The following MZT2B variants were observed in gnomAD, a reference collection of about 807,000 sequenced individuals.
MZT2B encodes the protein mitotic-spindle organizing protein 2B.
MZT2B carries 11 observed loss-of-function variants against 12.1 expected under a neutral mutation model. The ratio of observed to expected loss-of-function variants is 0.91; its 90% CI spans 0.57 to 1.50. MZT2B has a LOEUF of 1.50. MZT2B is among the 40% of genes most tolerant of loss of function. MZT2B has a pLI of 0.00. For synonymous variants in MZT2B, 85 were observed against 109.5 expected (o/e 0.78, Z 1.40); for missense variants, 209 against 227.7 (o/e 0.92, Z 0.53).
At chr2:130,193,750 T>C (rs1690328539), downstream of MZT2B, 1 of 1,571,052 alleles carries the variant, frequency 6.4e-7, no homozygotes, top group Non-Finnish European at 8.6e-7. Context: ...GTGCATCTGC[T>C]GCTTGCTGAA....
intron 2 of MZT2B, among the ~76,000 whole-genome samples, chr2:130,185,803 T>C (rs1178264500): frequency 4.0e-5 from 6 of 151,710 alleles, no homozygotes; most frequent in Non-Finnish European, 8.8e-5. Context: ...TCCGAGAGAA[T>C]TTACCCAAGG....
At chr2:130,193,876 G>A (rs765315041), downstream of MZT2B, 19 of 1,614,072 alleles carry the variant, frequency 1.2e-5, no homozygotes, top group South Asian at 5.5e-5. Context: ...TGGGGACCAC[G>A]TCCCCCCTGT....
the MZT2B span, chr2:130,198,469 G>C: frequency 7.3e-6 from 9 of 1,235,286 alleles, 4 homozygotes; most frequent in Non-Finnish European, 9.9e-6. Context: ...CACAGGATTG[G>C]CCTGCCGGTG....
the MZT2B span, chr2:130,198,433 C>A: frequency 2.2e-6 from 3 of 1,344,910 alleles, 1 homozygote; most frequent in South Asian, 4.0e-5. Context: ...GAGCGCCCAA[C>A]TGCAATGACC....
At chr2:130,204,518 C>T in the MZT2B span, 1 of 303,948 alleles carries the variant, frequency 3.3e-6, no homozygotes, top group South Asian at 3.0e-5. Context: ...TGGTGAAACC[C>T]CGTCTCTATT....
At chr2:130,190,044 A>G (rs1690201833) in intron 2 of MZT2B, among the ~76,000 whole-genome samples, 1 of 152,218 alleles carries the variant, frequency 6.6e-6, no homozygotes, top group African/African-American at 2.4e-5. Flanking sequence ...TCAGATGTGC[A>G]GTCCAGCATG....
chr2:130,186,138 TA>T (rs1199582734), intron 2 of MZT2B, among the ~76,000 whole-genome samples: 1 of 149,424 alleles, frequency 6.7e-6, no homozygotes, highest in East Asian at 2.0e-4. Flanking sequence ...GTGGAGGACA[TA>T]AGGGGGGTTG....
At chr2:130,181,865 C>A, upstream of MZT2B, 3 of 1,527,714 alleles carry the variant, frequency 2.0e-6, no homozygotes, top group Non-Finnish European at 2.6e-6. Flanking sequence ...CCCCCCCTTC[C>A]CCCCGCCCGC....
Position 130,182,996 on chromosome 2 carries a change from G to A in MZT2B, c.319+221G>A, listed in dbSNP as rs996853859. 4 of 808,542 alleles carry A rather than the reference G, an allele frequency of 4.9e-6. No homozygotes were observed. The African/African-American group carries it at 5.3e-5, about 11-fold the overall frequency. 50.1% of individuals were successfully genotyped at this position (808,542 alleles called of 1,614,324 possible). A position where few individuals can be genotyped will look rare whatever the true frequency, so the allele number is the denominator to read the frequency against. ...GGACGCAGAGTGCGTACCCCAGGGTGGTCCAGGCTGGGTAGGGCTCCTCCG... is the reference window on the plus strand; with the variant it reads ...GGACGCAGAGTGCGTACCCCAGGGTAGTCCAGGCTGGGTAGGGCTCCTCCG... On this transcript the variant is annotated intron_variant, in intron 2 of 2. Coordinates refer to ENST00000281871, the MANE Select transcript of MZT2B (RefSeq NM_025029.5).
upstream of MZT2B, chr2:130,181,850 A>G: frequency 6.5e-7 from 1 of 1,533,838 alleles, no homozygotes; most frequent in Non-Finnish European, 8.8e-7. Context: ...ATTGTTGATT[A>G]GTGCCCCCCC....
At chr2:130,193,080 A>C (rs1282080961), downstream of MZT2B, among the ~76,000 whole-genome samples, 1 of 142,372 alleles carries the variant, frequency 7.0e-6, no homozygotes, top group African/African-American at 2.7e-5. Flanking sequence ...ACGACAGAGC[A>C]AGATTGTCTC....
downstream of MZT2B, chr2:130,194,937 C>G: frequency 1.4e-6 from 2 of 1,480,990 alleles, no homozygotes; most frequent in Middle Eastern, 1.9e-4. Context: ...TTTAGCCTCT[C>G]AAAGTGCTGG....
At chr2:130,184,878 C>T (rs1689998990) in intron 2 of MZT2B, 7 of 985,200 alleles carry the variant, frequency 7.1e-6, no homozygotes, top group African/African-American at 1.7e-5. Flanking sequence ...GGAAAACCAC[C>T]AGCGAGACCA....
intron 2 of MZT2B, among the ~76,000 whole-genome samples, chr2:130,187,079 G>A (rs113906323): frequency 0.1 from 15,053 of 149,002 alleles, 2,389 homozygotes; most frequent in African/African-American, 0.34. Flanking sequence ...AAAAAGAACA[G>A]AGGTGAATGC....
At chr2:130,183,450 G>A (rs1327162609) in intron 2 of MZT2B, 2 of 435,636 alleles carry the variant, frequency 4.6e-6, no homozygotes, top group Non-Finnish European at 8.6e-6. Flanking sequence ...TGGTGACTGG[G>A]CTGAGGAGAT....
chr2:130,203,296 C>G, the MZT2B span, among the ~76,000 whole-genome samples: 14,931 of 143,250 alleles, frequency 0.1, no homozygotes, highest in African/African-American at 0.34. Context: ...GCTGGGCGGC[C>G]TCTCATTGCT....
chr2:130,194,061 G>A, downstream of MZT2B: 8 of 1,614,222 alleles, frequency 5.0e-6, no homozygotes, highest in Non-Finnish European at 6.8e-6. Flanking sequence ...CGGGGGTACG[G>A]CACGAGGTTG....
At chr2:130,198,352 T>C in the MZT2B span, 30,474 of 1,344,686 alleles carry the variant, frequency 0.023, 8,845 homozygotes, top group Non-Finnish European at 0.026. Context: ...GTGACCCGGG[T>C]CTTACCATGG....
chr2:130,201,587 C>CGGG, the MZT2B span, among the ~76,000 whole-genome samples: 28 of 147,688 alleles, frequency 1.9e-4, no homozygotes, highest in African/African-American at 6.7e-4. Context: ...CTAATATTGG[C>CGGG]GGGGGGGGAC....
Sources: gnomAD v4.1 joint callset for allele counts (sites outside exome capture counted in the v4.1 genomes callset) on GRCh38, gnomAD v4.1.1 for gene constraint, MANE v1.5 for transcripts, NCBI Gene and HGNC (gene_info 2026-07-23, HGNC 2026-07-21) for gene names.